Variants in ARHGAP15 observed in about 807,000 individuals in gnomAD.
The protein encoded by ARHGAP15 is Rho GTPase activating protein 15, also known as rho GTPase-activating protein 15.
A neutral mutation model predicts 63.7 loss-of-function variants in ARHGAP15; 51 were observed. The ratio of observed to expected loss-of-function variants is 0.80; its 90% CI spans 0.64 to 1.01. The LOEUF is 1.01. ARHGAP15 is among the 50% of genes least tolerant of loss of function. ARHGAP15 has a pLI of 0.00. For missense variants in ARHGAP15, 560 were observed against 564.6 expected (o/e 0.99, Z 0.08); for synonymous variants, 191 against 193.8 (o/e 0.99, Z 0.12).
At chr2:143,491,991 C>T (rs1211401535) in intron 9 of ARHGAP15, among the ~76,000 whole-genome samples, 2 of 152,172 alleles carry the variant, frequency 1.3e-5, no homozygotes, top group African/African-American at 2.4e-5. Flanking sequence ...AAGCAATTCT[C>T]CTGCCTCAGC....
At chr2:143,674,115 C>T (rs1467538556) in intron 12 of ARHGAP15, among the ~76,000 whole-genome samples, 1 of 152,002 alleles carries the variant, frequency 6.6e-6, no homozygotes, top group East Asian at 1.9e-4. Flanking sequence ...GAACATGCTC[C>T]TAATCCATGA....
At chr2:143,543,408 G>T (rs934877561) in intron 10 of ARHGAP15, among the ~76,000 whole-genome samples, 1 of 151,898 alleles carries the variant, frequency 6.6e-6, no homozygotes, top group Non-Finnish European at 1.5e-5. Context: ...TTTTTTGGTT[G>T]TTTGGTATTG....
chr2:143,467,385 A>G (rs910547706), intron 8 of ARHGAP15, among the ~76,000 whole-genome samples: 1 of 151,900 alleles, frequency 6.6e-6, no homozygotes, highest in African/African-American at 2.4e-5. Flanking sequence ...AAAGATGAAC[A>G]TTTTAAGTAC....
chr2:143,173,752 G>A lies in ARHGAP15; in HGVS notation c.165+18097G>A, dbSNP rs146799566. Among the ~76,000 whole-genome samples the A allele has an allele frequency of 6.1e-3, 933 of 152,108 alleles. 7 individuals carry two copies. The highest frequency in any genetic ancestry group is 0.021 in the African/African-American group (892 of 41,502). On this transcript the variant is annotated intron_variant, in intron 2 of 13. Coordinates refer to ENST00000295095, the MANE Select transcript of ARHGAP15 (RefSeq NM_018460.4). ...AGGTTAATGGCATATTATATCTTTG[G>A]TAGATTGATAACAGTCTCTGGACCA...
chr2:143,188,192 T>G (rs918609185), intron 2 of ARHGAP15, among the ~76,000 whole-genome samples: 3 of 152,144 alleles, frequency 2.0e-5, no homozygotes, highest in African/African-American at 7.2e-5. Context: ...GCTTCTTCCC[T>G]TCCCTCTATT....
chr2:143,662,935 C>T (rs1574797729), intron 12 of ARHGAP15, among the ~76,000 whole-genome samples: 1 of 145,090 alleles, frequency 6.9e-6, no homozygotes, highest in East Asian at 2.0e-4. Context: ...AACTCTACGT[C>T]TGATTGGCGT....
intron 1 of ARHGAP15, among the ~76,000 whole-genome samples, chr2:143,153,018 T>TCA (rs1689888838): frequency 6.6e-6 from 1 of 151,966 alleles, no homozygotes; most frequent in Non-Finnish European, 1.5e-5. Flanking sequence ...ATAAAAGGCT[T>TCA]TGTAATGAAT....
intron 12 of ARHGAP15, among the ~76,000 whole-genome samples, chr2:143,635,194 C>CTTTTTGTTTTT (rs1680244173): frequency 3.7e-5 from 1 of 26,882 alleles, no homozygotes; most frequent in African/African-American, 1.7e-4. Flanking sequence ...CTCTCAGGAG[C>CTTTTTGTTTTT]TTTTTTTTTT....
intron 13 of ARHGAP15, among the ~76,000 whole-genome samples, chr2:143,726,417 A>T (rs1484730339): frequency 1.4e-5 from 2 of 142,074 alleles, no homozygotes; most frequent in Non-Finnish European, 3.2e-5. Flanking sequence ...TGCCTGAAAA[A>T]AACAACCAAA....
At chr2:143,218,673 G>C (rs540320982) in intron 4 of ARHGAP15, among the ~76,000 whole-genome samples, 1 of 152,066 alleles carries the variant, frequency 6.6e-6, no homozygotes, top group Non-Finnish European at 1.5e-5. Flanking sequence ...AGAGACATGC[G>C]TCTCTTAATG....
intron 12 of ARHGAP15, among the ~76,000 whole-genome samples, chr2:143,680,979 A>G (rs1683072718): frequency 6.6e-6 from 1 of 152,258 alleles, no homozygotes; most frequent in South Asian, 2.1e-4. Context: ...TCTTCATAGT[A>G]GCCTGCCAAA....
chr2:143,530,806 A>T (rs749014227), intron 10 of ARHGAP15, among the ~76,000 whole-genome samples: 5 of 152,182 alleles, frequency 3.3e-5, no homozygotes, highest in African/African-American at 4.8e-5. Flanking sequence ...TTGTCCTCAC[A>T]GATGTCCACA....
At chr2:143,275,345 C>G (rs16858972) in intron 6 of ARHGAP15, among the ~76,000 whole-genome samples, 1 of 152,040 alleles carries the variant, frequency 6.6e-6, no homozygotes, top group African/African-American at 2.4e-5. Flanking sequence ...CATCACGGAA[C>G]TATTGATAGC....
chr2:143,258,074 T>C (rs1248065606), intron 6 of ARHGAP15, among the ~76,000 whole-genome samples: 3 of 151,928 alleles, frequency 2.0e-5, no homozygotes, highest in Non-Finnish European at 2.9e-5. Flanking sequence ...TGGTACATAA[T>C]AGATGGGGCC....
intron 8 of ARHGAP15, among the ~76,000 whole-genome samples, chr2:143,462,244 A>G (rs1278520632): frequency 3.3e-5 from 5 of 152,182 alleles, no homozygotes; most frequent in African/African-American, 1.2e-4. Flanking sequence ...TATAATTGAT[A>G]GGCCATCTCC....
intron 12 of ARHGAP15, among the ~76,000 whole-genome samples, chr2:143,667,183 A>ATGAT (rs1480100831): frequency 8.2e-4 from 122 of 149,646 alleles, no homozygotes; most frequent in African/African-American, 2.3e-3. Flanking sequence ...ATGTCCAACA[A>ATGAT]TGATAGACTG....
intron 10 of ARHGAP15, among the ~76,000 whole-genome samples, chr2:143,547,319 A>G (rs1695374642): frequency 6.6e-6 from 1 of 152,148 alleles, no homozygotes; most frequent in African/African-American, 2.4e-5. Context: ...TTATCAATCT[A>G]TATCACATTA....
Position 143,502,737 on chromosome 2 carries a change from G to C in ARHGAP15, c.826+15242G>C, listed in dbSNP as rs562918557. Among the ~76,000 whole-genome samples, 11 of 152,112 alleles carry C rather than the reference G, an allele frequency of 7.2e-5. No individual in the cohort carries two copies. In the East Asian group the frequency reaches 2.2e-3, roughly 30 times the overall value. On this transcript the variant is annotated intron_variant, in intron 9 of 13. Transcript: ENST00000295095. Reference sequence around the variant, plus strand: ...TGGGACTATAGGCACCCACCACTATGCCTGGCTAATTTTTGTATTTTTAGT... The same window carrying C: ...TGGGACTATAGGCACCCACCACTATCCCTGGCTAATTTTTGTATTTTTAGT...
intron 8 of ARHGAP15, among the ~76,000 whole-genome samples, chr2:143,447,701 G>A (rs1305678781): frequency 6.6e-6 from 1 of 152,164 alleles, no homozygotes; most frequent in Non-Finnish European, 1.5e-5. Context: ...TTATTAGCTT[G>A]GCTCAAAAGT....
Sources: allele counts gnomAD v4.1 joint callset (sites outside exome capture counted in the v4.1 genomes callset), GRCh38; gene constraint gnomAD v4.1.1; transcripts MANE v1.5; gene names NCBI Gene and HGNC (gene_info 2026-07-23, HGNC 2026-07-21).